The following DCTN1 variants were observed in gnomAD, a reference collection of about 807,000 sequenced individuals.
DCTN1 encodes dynactin subunit 1, also known as 150 kDa dynein-associated polypeptide.
Under a neutral mutation model 161.2 loss-of-function variants are expected in DCTN1, and 61 were observed. The ratio of observed to expected loss-of-function variants is 0.38; its 90% CI spans 0.31 to 0.47. The LOEUF is 0.47. DCTN1 is among the 20% of genes least tolerant of loss of function. DCTN1 has a pLI of 0.99. For missense variants in DCTN1, 1,404 were observed against 1,623.7 expected (o/e 0.86, Z 2.33); for synonymous variants, 653 against 632.4 (o/e 1.03, Z -0.49).
At position 74,367,024 on chromosome 2, in the gene DCTN1, C is replaced by A. The variant is rs72659378; in HGVS notation, c.2316+21G>T. The A allele has an allele frequency of 4.3e-6, 7 of 1,614,222 alleles. No homozygotes were observed. In the African/African-American group the frequency reaches 5.3e-5, roughly 12 times the overall value. On this transcript the variant is annotated intron_variant, in intron 20 of 31. Transcript: ENST00000628224. ...GACTAAGAAAGAAGAGGAGCTCACA[C>A]AGATCTAGATGTGTTCTCACCTGCA...
In DCTN1 at chr2:74,366,468, T is replaced by TG; in HGVS notation, c.2618dup (p.Ser874LysfsTer14). 1 of 1,614,240 alleles carries TG rather than the reference T, an allele frequency of 6.2e-7. No homozygotes were observed. The highest frequency in any genetic ancestry group is 8.5e-7 in the Non-Finnish European group (1 of 1,180,034). On this transcript the variant is annotated frameshift_variant, in exon 22 of 32. Transcript: ENST00000628224. LOFTEE classifies it high-confidence loss of function. Reference sequence around the variant, plus strand: ...AGCCATCCAGGCCCACCTGCTCGCTTGCTTTGAAAGCCAGTTCCTCCAGAG... The same window carrying TG: ...AGCCATCCAGGCCCACCTGCTCGCTTGGCTTTGAAAGCCAGTTCCTCCAGAG...
Position 74,362,857 on chromosome 2 carries a change from A to G in DCTN1, c.3530-128T>C, listed in dbSNP as rs10153548. On this transcript the variant is annotated intron_variant, in intron 29 of 31. Coordinates refer to ENST00000628224, the MANE Select transcript of DCTN1 (RefSeq NM_004082.5). ...TACTTGAGAGAGAGTGGGTGAATCA[A>G]ACAAACTGAACAGTGAAGCCAAAGA... The G allele has an allele frequency of 8.2e-3, 10,851 of 1,323,824 alleles. 715 individuals are homozygous for G. The African/African-American group carries it at 0.14, about 17-fold the overall frequency. 82.0% of individuals were successfully genotyped at this position (1,323,824 alleles called of 1,614,324 possible). A position where few individuals can be genotyped will look rare whatever the true frequency, so the allele number is the denominator to read the frequency against.
intron 19 of DCTN1, 67 bp from the exon 20 acceptor site, chr2:74,367,174 A>G (rs1674482957): frequency 6.3e-7 from 1 of 1,594,310 alleles, no homozygotes; most frequent in African/African-American, 1.3e-5. Flanking sequence ...CAACATCTCT[A>G]AGAAGTCCCC....
chr2:74,377,504 T>A (rs767516022), intron 3 of DCTN1, 38 bp from the exon 4 acceptor site: 1 of 1,590,206 alleles, frequency 6.3e-7, no homozygotes, highest in South Asian at 1.1e-5. Flanking sequence ...TGTACTTGTA[T>A]AGAGAGGTAG....
chr2:74,391,539 A>T (rs1469336889), intron 1 of DCTN1: 1 of 316,190 alleles, frequency 3.2e-6, no homozygotes, highest in African/African-American at 2.3e-5. Flanking sequence ...CGGAGGGGAG[A>T]CCCTTGCAGT....
chr2:74,367,302 C>T, intron 19 of DCTN1, 50 bp downstream of exon 19: 3 of 1,606,724 alleles, frequency 1.9e-6, no homozygotes, highest in Non-Finnish European at 2.6e-6. Context: ...ACCTGATGCC[C>T]TCCATTTCTG....
intron 19 of DCTN1, 56 bp downstream of exon 19, chr2:74,367,296 G>A: frequency 6.2e-7 from 1 of 1,600,652 alleles, no homozygotes; most frequent in Non-Finnish European, 8.6e-7. Flanking sequence ...CTCTTGACCT[G>A]ATGCCCTCCA....
intron 18 of DCTN1, 27 bp downstream of exon 18, chr2:74,367,669 C>T (rs1674523630): frequency 6.2e-7 from 1 of 1,614,056 alleles, no homozygotes; most frequent in Non-Finnish European, 8.5e-7. Flanking sequence ...CTGCCTCCTG[C>T]CCCAAGCCCA....
rs753161756 is a variant in DCTN1 at position 74,374,311 on chromosome 2, A to G, written c.432+12T>C. ...GGCAACCCAGCAGCAGGACGAGAGC[A>G]AGCAAGAGTACCTTTCGGGCTGTCG... On this transcript the variant is annotated intron_variant, in intron 6 of 31. Transcript: ENST00000628224. 5.6e-6 allele frequency: 9 copies of G among 1,610,644 alleles called. No homozygotes were observed. The highest frequency in any genetic ancestry group is 7.6e-6 in the Non-Finnish European group (9 of 1,178,078).
At chr2:74,381,729 A>G (rs1484565464), upstream of DCTN1, among the ~76,000 whole-genome samples, 1 of 152,226 alleles carries the variant, frequency 6.6e-6, no homozygotes, top group Non-Finnish European at 1.5e-5. Flanking sequence ...AACTTGGTCT[A>G]GTTACTTAAC....
chr2:74,374,595 A>G (rs937281747), intron 5 of DCTN1: 1 of 1,282,780 alleles, frequency 7.8e-7, no homozygotes, highest in Non-Finnish European at 1.0e-6. Context: ...GTGCAGCTGG[A>G]TCGCCAGGCT....
rs58901202 is a variant in DCTN1 at position 74,369,816 on chromosome 2, GAAAAAAAAA to G, written c.1392+140_1392+148del. On this transcript the variant is annotated intron_variant, in intron 13 of 31. Transcript: ENST00000628224. The surrounding 1 kb of genome is among the most constrained non-coding windows in gnomAD (Gnocchi z 4.9). Reference sequence around the variant, plus strand: ...GGCAACAGAGCGAGATTCCATCTCAGAAAAAAAAAAAAAAAAAAAAGGCAGGGTCAGGGT... The same window carrying G: ...GGCAACAGAGCGAGATTCCATCTCAGAAAAAAAAAAAGGCAGGGTCAGGGT... 1.2e-5 allele frequency: 6 copies of G among 513,756 alleles called. No individual in the cohort carries two copies. Among genetic ancestry groups the G allele is most frequent in the Non-Finnish European group, 2.0e-5 (6 of 305,020 alleles). 31.8% of individuals were successfully genotyped at this position (513,756 alleles called of 1,614,324 possible).
At chr2:74,377,833 G>A (rs1675313435) in intron 2 of DCTN1, 107 bp from the exon 3 acceptor site, 3 of 1,449,848 alleles carry the variant, frequency 2.1e-6, no homozygotes, top group South Asian at 1.1e-5. Context: ...AAGAGTACAG[G>A]GCAGCTTCCC....
intron 1 of DCTN1, among the ~76,000 whole-genome samples, chr2:74,388,893 TGCACATATGTAC>T (rs1675865432): frequency 6.6e-6 from 1 of 152,136 alleles, no homozygotes; most frequent in Non-Finnish European, 1.5e-5. Context: ...ACCACTTATG[TGCACATATGTAC>T]GCACACACAC....
chr2:74,366,931 C>A lies in DCTN1; in HGVS notation c.2318G>T (p.Gly773Val), dbSNP rs754657052. 1.0e-4 allele frequency: 164 copies of A among 1,614,182 alleles called. No homozygotes were observed. In the South Asian group the frequency reaches 1.3e-3, roughly 13 times the overall value. The change falls in exon 21 of 32, where the codon GGT becomes GTT. Residue 773 changes from glycine to valine, a missense_variant and splice_region_variant. Physicochemically the swap from Gly to Val is moderately radical, Grantham distance 109 (BLOSUM62 -3). Transcript: ENST00000628224. ...EVGRLRAFLQ[G>V]GQEATDIALL... is the part of the protein sequence containing the mutation. ...GGCAATATCTGTAGCCTCCTGCCCA[C>A]CCTACTCAGGAAAAAGAAAATGGAT...
At chr2:74,371,197 G>C (rs111760077) in intron 8 of DCTN1, 21 bp from the exon 9 acceptor site, 2 of 1,612,038 alleles carry the variant, frequency 1.2e-6, no homozygotes, top group South Asian at 1.1e-5. Context: ...GAGGCCTCAC[G>C]GTCTGTGCAC....
At chr2:74,390,595 G>C in intron 1 of DCTN1, 1 of 466,094 alleles carries the variant, frequency 2.1e-6, no homozygotes, top group South Asian at 1.6e-5. Flanking sequence ...TATAGGCCTG[G>C]ACAGATAAAG....
Position 74,365,969 on chromosome 2 carries a change from T to A in DCTN1, c.2810A>T (p.Asp937Val). 1 of 1,614,238 alleles carries A rather than the reference T, an allele frequency of 6.2e-7. No individual in the cohort carries two copies. The highest frequency in any genetic ancestry group is 8.5e-7 in the Non-Finnish European group (1 of 1,180,046). The change falls in exon 24 of 32, where the codon GAT becomes GTT. Residue 937 changes from aspartate to valine, a missense_variant. Coordinates refer to ENST00000628224, the MANE Select transcript of DCTN1 (RefSeq NM_004082.5). ...RAAALRAEIT[D>V]AEGLGLKLED... Reference sequence around the variant, plus strand: ...GAGCTTCAAACCCAGGCCTTCAGCATCTGTGATCTCTGCACGAAGGGCAGC... The same window carrying A: ...GAGCTTCAAACCCAGGCCTTCAGCAACTGTGATCTCTGCACGAAGGGCAGC...
At chr2:74,367,898 G>A in intron 17 of DCTN1, 34 bp from the exon 18 acceptor site, 6 of 1,614,234 alleles carry the variant, frequency 3.7e-6, no homozygotes, top group Non-Finnish European at 4.2e-6. Flanking sequence ...TGAGGCTAGA[G>A]TCTGCCAGGC....
Sources: gnomAD v4.1 joint callset for allele counts (sites outside exome capture counted in the v4.1 genomes callset) on GRCh38, gnomAD v4.1.1 for gene constraint, Gnocchi (gnomAD v3.1) non-coding constraint, MANE v1.5 for transcripts, NCBI Gene and HGNC (gene_info 2026-07-23, HGNC 2026-07-21) for gene names.